Variants in AUTS2 observed in about 807,000 individuals in gnomAD.
AUTS2 encodes activator of transcription and developmental regulator AUTS2.
In AUTS2, 17 loss-of-function variants were observed where a neutral mutation model predicts 112.4. That is an observed-to-expected ratio of 0.15 (90% CI 0.10 to 0.23). The LOEUF is 0.23. Ranked by LOEUF, AUTS2 falls within the 10% of genes least tolerant of loss-of-function variation. The pLI, the probability that AUTS2 is intolerant of heterozygous loss-of-function variation, is 1.00. For missense variants in AUTS2, 1,510 were observed against 1,701.6 expected, an observed-to-expected ratio of 0.89 and a Z score of 1.98; for synonymous variants, 751 against 702.7, an observed-to-expected ratio of 1.07 and a Z score of -1.09.
chr7:69,759,526 G>A (rs757796880), intron 1 of AUTS2, among the ~76,000 whole-genome samples: 3 of 151,816 alleles, frequency 2.0e-5, no homozygotes, highest in African/African-American at 4.8e-5. Flanking sequence ...TTCGGATTAG[G>A]GTTGTGCAAC....
intron 4 of AUTS2, among the ~76,000 whole-genome samples, chr7:70,277,458 T>C (rs1393123545): frequency 6.6e-6 from 1 of 152,202 alleles, no homozygotes; most frequent in Non-Finnish European, 1.5e-5. Context: ...ATCTTGACTC[T>C]TAGTACTCAA....
intron 5 of AUTS2, among the ~76,000 whole-genome samples, chr7:70,595,927 C>G (rs1460643453): frequency 6.6e-6 from 1 of 152,184 alleles, no homozygotes; most frequent in Admixed American, 6.5e-5. Flanking sequence ...CGTGCCTTGC[C>G]GGGATGGCAG....
intron 1 of AUTS2, among the ~76,000 whole-genome samples, chr7:69,635,410 A>T (rs981201448): frequency 1.3e-5 from 2 of 152,228 alleles, no homozygotes; most frequent in African/African-American, 4.8e-5. Flanking sequence ...ACATCTGAGA[A>T]TAATAATATA....
intron 1 of AUTS2, among the ~76,000 whole-genome samples, chr7:69,873,190 C>T (rs1397309569): frequency 1.3e-5 from 2 of 152,000 alleles, no homozygotes; most frequent in East Asian, 3.9e-4. Context: ...ATTAATGTTC[C>T]AGGATTTATA....
chr7:69,993,765 C>T (rs777174326), intron 2 of AUTS2, among the ~76,000 whole-genome samples: 6 of 152,006 alleles, frequency 3.9e-5, no homozygotes, highest in Non-Finnish European at 8.8e-5. Flanking sequence ...GTCTGTCTGT[C>T]TCTCTCCCTC....
intron 1 of AUTS2, among the ~76,000 whole-genome samples, chr7:69,778,898 T>G (rs764012433): frequency 2.0e-5 from 3 of 151,986 alleles, no homozygotes; most frequent in Admixed American, 6.6e-5. Context: ...GATGTGTGTG[T>G]GTTTGGGGTG....
At position 70,785,944 on chromosome 7, in the gene AUTS2, C is replaced by G; in HGVS notation, c.2225-11C>G. 2.5e-6 allele frequency: 4 copies of G among 1,613,638 alleles called. No homozygotes were observed. The highest frequency in any genetic ancestry group is 3.4e-6 in the Non-Finnish European group (4 of 1,179,830). Reference sequence around the variant, plus strand: ...CCCTGACCATTTCCTTCTTCCCCATCTTGTTTGCAGAGCCTTTTAATCGGC... The same window carrying G: ...CCCTGACCATTTCCTTCTTCCCCATGTTGTTTGCAGAGCCTTTTAATCGGC... On this transcript the variant is annotated splice_polypyrimidine_tract_variant and intron_variant, in intron 16 of 18. Transcript: ENST00000342771.
At chr7:70,470,632 TA>T (rs1178718182) in intron 5 of AUTS2, among the ~76,000 whole-genome samples, 8 of 152,136 alleles carry the variant, frequency 5.3e-5, no homozygotes, top group Admixed American at 5.2e-4. Context: ...TGCAGTTATG[TA>T]GAGACTTAAG....
At chr7:70,366,653 G>A (rs1792582908) in intron 4 of AUTS2, among the ~76,000 whole-genome samples, 3 of 152,174 alleles carry the variant, frequency 2.0e-5, no homozygotes, top group Non-Finnish European at 4.4e-5. Flanking sequence ...TTTAAGAAGA[G>A]AGTTGATATT....
intron 6 of AUTS2, among the ~76,000 whole-genome samples, chr7:70,725,229 G>A (rs971621084): frequency 6.6e-6 from 1 of 152,078 alleles, no homozygotes; most frequent in Non-Finnish European, 1.5e-5. Flanking sequence ...TTTTCCTCTC[G>A]GGTAAATGTC....
intron 2 of AUTS2, among the ~76,000 whole-genome samples, chr7:70,056,071 TC>T (rs1801979946): frequency 6.6e-6 from 1 of 152,054 alleles, no homozygotes; most frequent in Non-Finnish European, 1.5e-5. Context: ...CACTGCAACC[TC>T]CACCTCCCGG....
At chr7:70,664,808 C>T (rs748803504) in intron 5 of AUTS2, among the ~76,000 whole-genome samples, 6 of 152,126 alleles carry the variant, frequency 3.9e-5, no homozygotes, top group Non-Finnish European at 7.4e-5. Context: ...CGGTGCCCCG[C>T]GCCTGTAATC....
chr7:70,132,404 G>T (rs559154093), intron 3 of AUTS2, among the ~76,000 whole-genome samples: 3 of 152,004 alleles, frequency 2.0e-5, no homozygotes, highest in Non-Finnish European at 4.4e-5. Context: ...TTAATTCCTC[G>T]GCAGTGCAAT....
chr7:70,680,136 G>C (rs1808133351), intron 5 of AUTS2, among the ~76,000 whole-genome samples: 1 of 151,856 alleles, frequency 6.6e-6, no homozygotes, highest in Non-Finnish European at 1.5e-5. Flanking sequence ...AAGCAGAAGA[G>C]GTACATACAT....
intron 4 of AUTS2, among the ~76,000 whole-genome samples, chr7:70,419,829 C>A (rs1795141467): frequency 2.0e-5 from 3 of 152,154 alleles, no homozygotes; most frequent in Non-Finnish European, 4.4e-5. Context: ...AGAAATATAT[C>A]TCTTTTTAAT....
chr7:70,756,851 T>C (rs1789243406), intron 6 of AUTS2, among the ~76,000 whole-genome samples: 1 of 152,230 alleles, frequency 6.6e-6, no homozygotes, highest in African/African-American at 2.4e-5. Flanking sequence ...ATGCAAAGAA[T>C]TACTTTGTGT....
At chr7:70,710,486 G>A (rs1191274710) in intron 6 of AUTS2, among the ~76,000 whole-genome samples, 1 of 152,214 alleles carries the variant, frequency 6.6e-6, no homozygotes, top group Non-Finnish European at 1.5e-5. Context: ...TTTGACTGGA[G>A]CAATCTGACT....
At chr7:69,606,252 C>G (rs549745261) in intron 1 of AUTS2, among the ~76,000 whole-genome samples, 7 of 152,192 alleles carry the variant, frequency 4.6e-5, no homozygotes, top group African/African-American at 1.2e-4. Context: ...TATGTATTAT[C>G]AAAGATAAAT....
intron 4 of AUTS2, among the ~76,000 whole-genome samples, chr7:70,367,509 A>G (rs1009132224): frequency 6.7e-6 from 1 of 149,750 alleles, no homozygotes; most frequent in East Asian, 2.0e-4. Flanking sequence ...TGAGCTGAGA[A>G]CGTGCCACAG....
Sources: allele counts gnomAD v4.1 joint callset (sites outside exome capture counted in the v4.1 genomes callset), GRCh38; gene constraint gnomAD v4.1.1; transcripts MANE v1.5; gene names NCBI Gene and HGNC (gene_info 2026-07-23, HGNC 2026-07-21).